SNX13: variants seen among roughly 807,000 people sequenced by gnomAD.
The protein encoded by SNX13 is sorting nexin 13.
In SNX13, 45 loss-of-function variants were observed where a neutral mutation model predicts 133.6. The ratio of observed to expected loss-of-function variants is 0.34; its 90% CI spans 0.27 to 0.43. SNX13 has a LOEUF of 0.43. Ranked by LOEUF, SNX13 falls within the 20% of genes least tolerant of loss-of-function variation. SNX13 has a pLI of 1.00. For synonymous variants in SNX13, 414 were observed against 373.9 expected (o/e 1.11, Z -1.24); for missense variants, 1,032 against 1,145.1 (o/e 0.90, Z 1.43).
intron 5 of SNX13, among the ~76,000 whole-genome samples, chr7:17,885,670 T>A (rs1016147830): frequency 1.3e-5 from 2 of 151,928 alleles, no homozygotes; most frequent in African/African-American, 4.8e-5. Flanking sequence ...TCTACTAGAA[T>A]ACAAAAAATT....
At chr7:17,871,805 T>C (rs752353423) in intron 8 of SNX13, among the ~76,000 whole-genome samples, 3 of 152,208 alleles carry the variant, frequency 2.0e-5, no homozygotes, top group Non-Finnish European at 4.4e-5. Context: ...GTCTGTTTTT[T>C]ACTACACTTA....
intron 18 of SNX13, among the ~76,000 whole-genome samples, chr7:17,820,689 T>G (rs982199929): frequency 6.6e-6 from 1 of 152,102 alleles, no homozygotes; most frequent in African/African-American, 2.4e-5. Flanking sequence ...AAAAGATAAT[T>G]TCTGATTTCT....
chr7:17,853,876 G>A (rs1791546493), intron 9 of SNX13, among the ~76,000 whole-genome samples: 1 of 152,094 alleles, frequency 6.6e-6, no homozygotes, highest in African/African-American at 2.4e-5. Flanking sequence ...GGGAGGCGGA[G>A]GTTACAGTGA....
chr7:17,805,255 G>GTGTGCGCGCGCGCGCGCGCGCGCGCGCA (rs772458913), intron 20 of SNX13, among the ~76,000 whole-genome samples: 1 of 86,764 alleles, frequency 1.2e-5, no homozygotes, highest in South Asian at 2.9e-4. Flanking sequence ...GTGTGTGCGT[G>GTGTGCGCGCGCGCGCGCGCGCGCGCGCA]CGCGCGCGCG....
At chr7:17,889,738 T>C (rs956497673) in intron 5 of SNX13, 2 of 152,080 alleles carry the variant, frequency 1.3e-5, no homozygotes, top group African/African-American at 4.8e-5. Flanking sequence ...AGTACAAGAA[T>C]AGAAGTCAAA....
At chr7:17,912,920 G>A (rs1033737297) in intron 1 of SNX13, among the ~76,000 whole-genome samples, 5 of 152,182 alleles carry the variant, frequency 3.3e-5, no homozygotes, top group African/African-American at 1.2e-4. Flanking sequence ...CCCATCACAG[G>A]ACTGGAGCAG....
At position 17,873,585 on chromosome 7, in the gene SNX13, T is replaced by C. The variant is rs769953404; in HGVS notation, c.696A>G (p.Leu232=). ...GFLRDLCEVL[L]YLLLPPGDFQ... ...AATCTCCAGGAGGTAGCAATAAATA[T>C]AGTAAGACCTCACACAAATCCCTTA... Residue 232 remains leucine (L), a synonymous_variant, in exon 8 of 26, where the codon CTA becomes CTG. Coordinates refer to ENST00000428135, the MANE Select transcript of SNX13 (RefSeq NM_015132.5). 2.9e-5 allele frequency: 46 copies of C among 1,579,638 alleles called. No individual in the cohort carries two copies. The highest frequency in any genetic ancestry group is 6.9e-5 in the East Asian group (3 of 43,600).
chr7:17,920,799 T>C (rs1007688926), intron 1 of SNX13, among the ~76,000 whole-genome samples: 7 of 152,222 alleles, frequency 4.6e-5, no homozygotes, highest in Non-Finnish European at 5.9e-5. Context: ...CCTTTTTCAC[T>C]CTAAGTCTAT....
chr7:17,809,197 T>C (rs930636671), intron 20 of SNX13, among the ~76,000 whole-genome samples: 3 of 146,578 alleles, frequency 2.0e-5, no homozygotes, highest in African/African-American at 7.6e-5. Context: ...CGGAGTGCTG[T>C]ATTCAGGAGA....
intron 1 of SNX13, among the ~76,000 whole-genome samples, chr7:17,901,135 G>C (rs1033821929): frequency 1.3e-5 from 2 of 152,124 alleles, no homozygotes; most frequent in African/African-American, 4.8e-5. Context: ...CCTGGAACAG[G>C]GGCCTCAGGA....
At chr7:17,813,442 T>TA (rs1258766342) in intron 20 of SNX13, among the ~76,000 whole-genome samples, 7 of 152,198 alleles carry the variant, frequency 4.6e-5, no homozygotes, top group Admixed American at 2.0e-4. Flanking sequence ...AACTTATTAT[T>TA]AAAAGAAAAC....
Position 17,913,328 on chromosome 7 carries a change from T to A in SNX13, c.13-15882A>T, listed in dbSNP as rs560986809. On this transcript the variant is annotated intron_variant, in intron 1 of 25. Coordinates refer to ENST00000428135, the MANE Select transcript of SNX13 (RefSeq NM_015132.5). ...ACAGCAGTGGCTCTTCCCACTGGGG[T>A]CCAGGGAACGGGGTCTGAAAGGGGC... Among the ~76,000 whole-genome samples the A allele has an allele frequency of 1.2e-4, 18 of 152,132 alleles. 1 individual carries two copies. In the South Asian group the frequency reaches 3.5e-3, roughly 30 times the overall value.
In SNX13 at chr7:17,875,557, G is replaced by T; in HGVS notation, c.587C>A (p.Thr196Asn). 30 of 1,610,562 alleles carry T rather than the reference G, an allele frequency of 1.9e-5. No homozygotes were observed. Among genetic ancestry groups the T allele is most frequent in the Non-Finnish European group, 2.5e-5 (30 of 1,179,124 alleles). Residue 196 changes from threonine (T) to asparagine (N), a missense_variant, in exon 7 of 26, where the codon ACC becomes AAC. Transcript: ENST00000428135. ...CATTTCAACTTCAACTTCAAAGAAG[G>T]TATCTACAAGATCTTCTGCTGTACC... ...VKGTAEDLVD[T>N]FFEVEVEMEK...
At chr7:17,931,562 A>G (rs968537937) in intron 1 of SNX13, among the ~76,000 whole-genome samples, 1 of 152,216 alleles carries the variant, frequency 6.6e-6, no homozygotes, top group Admixed American at 6.5e-5. Flanking sequence ...GTCAGGCTAA[A>G]AATAGCCCCC....
chr7:17,886,971 C>CAAAAAAAAAAA (rs544070392), intron 5 of SNX13, among the ~76,000 whole-genome samples: 1 of 55,932 alleles, frequency 1.8e-5, no homozygotes. Flanking sequence ...CCTTGCTCTA[C>CAAAAAAAAAAA]AAAAAAAAAA....
intron 1 of SNX13, among the ~76,000 whole-genome samples, chr7:17,923,194 T>C: frequency 6.6e-6 from 1 of 152,136 alleles, no homozygotes; most frequent in Non-Finnish European, 1.5e-5. Context: ...TGAAAAAACA[T>C]GAAATATCCT....
intron 9 of SNX13, among the ~76,000 whole-genome samples, chr7:17,866,144 T>A (rs1472837419): frequency 6.6e-6 from 1 of 151,758 alleles, no homozygotes; most frequent in African/African-American, 2.4e-5. Flanking sequence ...ACAAATGAGA[T>A]CACATCAAGC....
chr7:17,832,320 C>T, intron 15 of SNX13: 15 of 984,484 alleles, frequency 1.5e-5, no homozygotes, highest in Non-Finnish European at 1.8e-5. Context: ...GCTAGAAATC[C>T]ATTTAAAGGA....
intron 9 of SNX13, chr7:17,868,147 T>C (rs1793624684): frequency 5.5e-6 from 2 of 361,698 alleles, no homozygotes; most frequent in Middle Eastern, 8.3e-4. Context: ...ACACAGGTAG[T>C]AAAATATTCT....
Sources: gnomAD v4.1 joint callset for allele counts (sites outside exome capture counted in the v4.1 genomes callset) on GRCh38, gnomAD v4.1.1 for gene constraint, MANE v1.5 for transcripts, NCBI Gene and HGNC (gene_info 2026-07-23, HGNC 2026-07-21) for gene names.